BMP6: variants seen among roughly 807,000 people sequenced by gnomAD.
BMP6 encodes the protein VG-1-R.
A neutral mutation model predicts 54.1 loss-of-function variants in BMP6; 17 were observed. That is an observed-to-expected ratio of 0.31 (90% CI 0.22 to 0.47). The LOEUF (loss-of-function observed/expected upper bound fraction) is 0.47. Among genes scored for constraint, BMP6 ranks in the 20% least tolerant of loss-of-function variants. The pLI, the probability that BMP6 is intolerant of heterozygous loss-of-function variation, is 1.00. For synonymous variants in BMP6, 328 were observed against 291.2 expected, an observed-to-expected ratio of 1.13 and a Z score of -1.28; for missense variants, 720 against 690.4, an observed-to-expected ratio of 1.04 and a Z score of -0.48.
chr6:7,726,164 C>T lies in BMP6; in HGVS notation c.-792C>T, dbSNP rs996358540. Among the ~76,000 whole-genome samples, 2 of 152,178 alleles carry T rather than the reference C, an allele frequency of 1.3e-5. No homozygotes were observed. The highest frequency in any genetic ancestry group is 4.8e-5 in the African/African-American group (2 of 41,456). On this transcript the variant is annotated 5_prime_UTR_variant, in exon 1 of 7. Transcript: ENST00000283147. ...GAGGCGGGAGACCGAATTCCGGCGC[C>T]GCCGCCGCGGCCGCTGCTCGGTGCA...
intron 2 of BMP6, among the ~76,000 whole-genome samples, chr6:7,847,097 A>T (rs1338550111): frequency 6.6e-6 from 1 of 152,218 alleles, no homozygotes; most frequent in African/African-American, 2.4e-5. Context: ...AAAAAAGAAC[A>T]GCTGCCCTGT....
chr6:7,803,331 C>T (rs148513501), intron 1 of BMP6, among the ~76,000 whole-genome samples: 2,133 of 152,246 alleles, frequency 0.014, 31 homozygotes, highest in Non-Finnish European at 0.021. Context: ...TTTGGTCCAA[C>T]TCAAATCCAC....
chr6:7,761,077 A>G (rs1340437343), intron 1 of BMP6, among the ~76,000 whole-genome samples: 1 of 152,236 alleles, frequency 6.6e-6, no homozygotes, highest in African/African-American at 2.4e-5. Context: ...TATCGTTACA[A>G]TGCGATACAA....
chr6:7,880,324 G>A lies in BMP6; in HGVS notation c.1523G>A (p.Arg508Lys). 4 of 1,614,114 alleles carry A rather than the reference G, an allele frequency of 2.5e-6. No individual in the cohort carries two copies. Among genetic ancestry groups the A allele is most frequent in the Non-Finnish European group, 3.4e-6 (4 of 1,180,032 alleles). The change falls in exon 7 of 7, where the codon AGA (arginine) becomes AAA (lysine). Residue 508 changes from arginine to lysine, a missense_variant. Physicochemically the swap from Arg to Lys is conservative, Grantham distance 26. Around this residue, in one of 3 missense-constraint regions of BMP6, gnomAD observed 43 missense variants for 54.0 expected, o/e 0.80. Coordinates refer to ENST00000283147, the MANE Select transcript of BMP6 (RefSeq NM_001718.6). ...AAAAAATACAGGAATATGGTTGTAAGAGCTTGTGGATGCCACTAACTCGAA... is the reference window on the plus strand; with the variant it reads ...AAAAAATACAGGAATATGGTTGTAAAAGCTTGTGGATGCCACTAACTCGAA... Reference protein sequence around the residue: ...ILKKYRNMVVRACGCH With the variant: ...ILKKYRNMVVKACGCH
intron 1 of BMP6, among the ~76,000 whole-genome samples, chr6:7,765,431 C>A (rs1280628418): frequency 6.6e-6 from 1 of 152,188 alleles, no homozygotes; most frequent in African/African-American, 2.4e-5. Flanking sequence ...CAATACAAAG[C>A]TAGGTCAATC....
intron 1 of BMP6, among the ~76,000 whole-genome samples, chr6:7,763,324 T>G (rs1420065799): frequency 6.6e-6 from 1 of 152,130 alleles, no homozygotes; most frequent in Non-Finnish European, 1.5e-5. Flanking sequence ...AAAGTCATGG[T>G]AAAATTCTGT....
chr6:7,859,380 A>T (rs1204362303), intron 2 of BMP6, among the ~76,000 whole-genome samples: 1 of 151,980 alleles, frequency 6.6e-6, no homozygotes, highest in Non-Finnish European at 1.5e-5. Flanking sequence ...TAATCTAGTC[A>T]TCAGAGGTAA....
chr6:7,835,663 GTTAT>G (rs1191076550), intron 1 of BMP6, among the ~76,000 whole-genome samples: 1 of 152,150 alleles, frequency 6.6e-6, no homozygotes, highest in Non-Finnish European at 1.5e-5. Context: ...CAAAAATGCG[GTTAT>G]TTGACATTAA....
At chr6:7,758,082 A>G (rs1643483282) in intron 1 of BMP6, among the ~76,000 whole-genome samples, 1 of 152,232 alleles carries the variant, frequency 6.6e-6, no homozygotes, top group African/African-American at 2.4e-5. Context: ...AAACAGAATT[A>G]TAGTAGATTA....
In BMP6 at chr6:7,803,559, C is replaced by G. The variant is rs549173538; in HGVS notation, c.665-41581C>G. Reference sequence around the variant, plus strand: ...TACACATTCACAGTCTACTTCAAGCCTTTGTCCATGCCACTGTCTCCACCT... The same window carrying G: ...TACACATTCACAGTCTACTTCAAGCGTTTGTCCATGCCACTGTCTCCACCT... On this transcript the variant is annotated intron_variant, in intron 1 of 6. Coordinates refer to ENST00000283147, the MANE Select transcript of BMP6 (RefSeq NM_001718.6). 3.3e-5 allele frequency among the ~76,000 whole-genome samples: 5 copies of G among 152,280 alleles called. 1 individual carries two copies. The East Asian group carries it at 9.7e-4, about 29-fold the overall frequency.
intron 1 of BMP6, among the ~76,000 whole-genome samples, chr6:7,755,729 G>C (rs951651846): frequency 6.6e-6 from 1 of 151,454 alleles, no homozygotes; most frequent in African/African-American, 2.4e-5. Flanking sequence ...TGTAATACTT[G>C]TCTACTGGTG....
intron 1 of BMP6, among the ~76,000 whole-genome samples, chr6:7,765,901 C>T (rs1003268834): frequency 1.2e-4 from 18 of 152,186 alleles, no homozygotes; most frequent in Admixed American, 9.8e-4. Context: ...GATTTCTCTC[C>T]GTTACTCCCA....
At chr6:7,856,120 T>TAAAAAAAAAAAAAAAAAAAAAA (rs56264814) in intron 2 of BMP6, among the ~76,000 whole-genome samples, 1 of 83,660 alleles carries the variant, frequency 1.2e-5, no homozygotes. Context: ...TCAAAGACTG[T>TAAAAAAAAAAAAAAAAAAAAAA]AAAAAAAAAA....
chr6:7,782,890 A>G (rs1757967933), intron 1 of BMP6, among the ~76,000 whole-genome samples: 1 of 152,136 alleles, frequency 6.6e-6, no homozygotes, highest in South Asian at 2.1e-4. Flanking sequence ...ACAGTTTAAA[A>G]TACTGCTGCT....
rs184535037 is a variant in BMP6 at position 7,870,720 on chromosome 6, C to T, written c.1204+8222C>T. Among the ~76,000 whole-genome samples, 456 of 152,312 alleles carry T rather than the reference C, an allele frequency of 3.0e-3. 1 individual carries two copies. The highest frequency in any genetic ancestry group is 0.01 in the African/African-American group (435 of 41,574). ...TCAGCTCACTGCAACCTCTGCCTCC[C>T]GGGTTCAAGCAATTCTCCTGCCTCG... On this transcript the variant is annotated intron_variant, in intron 4 of 6. Coordinates refer to ENST00000283147, the MANE Select transcript of BMP6 (RefSeq NM_001718.6).
intron 1 of BMP6, among the ~76,000 whole-genome samples, chr6:7,803,899 A>T (rs1561776920): frequency 2.0e-5 from 3 of 152,130 alleles, no homozygotes; most frequent in Admixed American, 6.6e-5. Flanking sequence ...ATGGTAATTA[A>T]TTTTTACCAG....
At chr6:7,796,607 C>T (rs1221227660) in intron 1 of BMP6, among the ~76,000 whole-genome samples, 2 of 152,066 alleles carry the variant, frequency 1.3e-5, no homozygotes, top group Admixed American at 1.3e-4. Flanking sequence ...CATCCGTATG[C>T]CCTAAACCTT....
At chr6:7,758,088 G>C (rs1234040763) in intron 1 of BMP6, among the ~76,000 whole-genome samples, 1 of 152,200 alleles carries the variant, frequency 6.6e-6, no homozygotes, top group Non-Finnish European at 1.5e-5. Flanking sequence ...AATTATAGTA[G>C]ATTACTCTTG....
intron 1 of BMP6, among the ~76,000 whole-genome samples, chr6:7,770,641 C>A (rs1248921502): frequency 6.6e-6 from 1 of 152,188 alleles, no homozygotes; most frequent in Non-Finnish European, 1.5e-5. Flanking sequence ...TAAAAGCGCT[C>A]CTTGTTTTCT....
Sources: gnomAD v4.1 joint callset for allele counts (sites outside exome capture counted in the v4.1 genomes callset) on GRCh38, gnomAD v4.1.1 for gene constraint, gnomAD v4.1.1 regional missense constraint, MANE v1.5 for transcripts, NCBI Gene and HGNC (gene_info 2026-07-23, HGNC 2026-07-21) for gene names.